The following AXIN2 variants were observed in gnomAD, a reference collection of about 807,000 sequenced individuals.
AXIN2 encodes axin-2.
A neutral mutation model predicts 74.7 loss-of-function variants in AXIN2; 21 were observed. The ratio of observed to expected loss-of-function variants is 0.28; its 90% CI spans 0.20 to 0.40. AXIN2 has a LOEUF of 0.40. Ranked by LOEUF, AXIN2 falls within the 10% of genes least tolerant of loss-of-function variation. The probability of loss-of-function intolerance (pLI) is 1.00; values close to 1 mark genes in which losing one functional copy is unlikely to be tolerated. For missense variants in AXIN2, 1,144 were observed against 1,111.1 expected (o/e 1.03, Z -0.42); for synonymous variants, 532 against 454.9 (o/e 1.17, Z -2.16).
Position 65,558,697 on chromosome 17 carries a change from GTCTC to G in AXIN2, c.-81_-78del. 2.1e-6 allele frequency: 3 copies of G among 1,450,180 alleles called. No individual in the cohort carries two copies. The highest frequency in any genetic ancestry group is 2.8e-6 in the Non-Finnish European group (3 of 1,066,390). The allele number at this position is 1,450,180 out of a possible 1,614,324, so 89.8% of individuals were successfully genotyped here. On this transcript the variant is annotated 5_prime_UTR_variant, in exon 2 of 11. Transcript: ENST00000307078. ...TCTCAGCAATCGGCGTGGTCTCTCT[GTCTC>G]TCTCAAGTCAGCAGGGGCTCATCTG... is the stretch of plus-strand genomic sequence containing the variant.
intron 2 of AXIN2, among the ~76,000 whole-genome samples, chr17:65,557,486 G>GA (rs1294687271): frequency 1.3e-5 from 2 of 152,130 alleles, no homozygotes; most frequent in Non-Finnish European, 2.9e-5. Flanking sequence ...TGGTGACTCA[G>GA]AGGCATCAAA....
chr17:65,549,758 C>G, intron 2 of AXIN2, 98 bp from the exon 3 acceptor site: 2 of 1,452,916 alleles, frequency 1.4e-6, no homozygotes, highest in East Asian at 4.9e-5. Flanking sequence ...ATCCCACAAT[C>G]TGCTCAACGC....
intron 8 of AXIN2, 24 bp downstream of exon 8, chr17:65,536,296 C>T: frequency 1.9e-6 from 3 of 1,587,404 alleles, no homozygotes; most frequent in Non-Finnish European, 2.6e-6. Context: ...CTGCCTCAAC[C>T]TAGGACCCTT....
rs768259872 is a variant in AXIN2 at position 65,537,764 on chromosome 17, G to A, written c.1272C>T (p.Ser424=). The A allele has an allele frequency of 1.3e-6, 2 of 1,584,914 alleles. No homozygotes were observed. Among genetic ancestry groups the A allele is most frequent in the Non-Finnish European group, 1.7e-6 (2 of 1,165,250 alleles). The change falls in exon 6 of 11, where the codon TCC becomes TCT. Residue 424 remains serine (S), a synonymous_variant. Transcript: ENST00000307078. ...CCTCGTAGCTGCCGGAGGGCAGTAG[G>A]GAGAGGGGGTGCTGCGTGGGCGCCC... ...REGAPTQHPL[S]LLPSGSYEED...
chr17:65,538,358 A>G lies in AXIN2; in HGVS notation c.1060-15T>C. Reference sequence around the variant, plus strand: ...CGGTGGGTTCTCTACAGGACGTGGAAAGGAAAGGGAGGAGGCACGTTCAGC... The same window carrying G: ...CGGTGGGTTCTCTACAGGACGTGGAGAGGAAAGGGAGGAGGCACGTTCAGC... On this transcript the variant is annotated splice_polypyrimidine_tract_variant and intron_variant, in intron 4 of 10. Transcript: ENST00000307078. The G allele has an allele frequency of 6.2e-7, 1 of 1,613,876 alleles. No homozygotes were observed. Among genetic ancestry groups the G allele is most frequent in the Non-Finnish European group, 8.5e-7 (1 of 1,179,842 alleles).
At chr17:65,553,685 G>T (rs900051339) in intron 2 of AXIN2, among the ~76,000 whole-genome samples, 2 of 152,176 alleles carry the variant, frequency 1.3e-5, no homozygotes, top group African/African-American at 4.8e-5. Context: ...AAAGTACTTG[G>T]ATTTTCCCAC....
At chr17:65,541,279 C>T (rs1394858237) in intron 4 of AXIN2, among the ~76,000 whole-genome samples, 176 bp downstream of exon 4, 2 of 152,190 alleles carry the variant, frequency 1.3e-5, no homozygotes, top group African/African-American at 2.4e-5. Flanking sequence ...CATCACAACC[C>T]AAAAAACCAT....
intron 3 of AXIN2, among the ~76,000 whole-genome samples, chr17:65,545,870 G>C (rs946389790): frequency 1.3e-5 from 2 of 152,114 alleles, no homozygotes; most frequent in African/African-American, 4.8e-5. Context: ...TGGCTCCCTG[G>C]AATAACCAAC....
At chr17:65,556,413 G>T (rs906576760) in intron 2 of AXIN2, among the ~76,000 whole-genome samples, 1 of 152,274 alleles carries the variant, frequency 6.6e-6, no homozygotes, top group South Asian at 2.1e-4. Flanking sequence ...CTACTGCAGA[G>T]GCCAGACCCA....
chr17:65,557,139 G>T (rs368116511), intron 2 of AXIN2, among the ~76,000 whole-genome samples: 3 of 152,172 alleles, frequency 2.0e-5, no homozygotes, highest in African/African-American at 7.2e-5. Context: ...TCTGACCCTC[G>T]GACTCATGAG....
rs556855891 is a variant in AXIN2, at chr17:65,549,697, C to A, written c.816-37G>T. 1.1e-5 allele frequency: 18 copies of A among 1,572,544 alleles called. No individual in the cohort carries two copies. The African/African-American group carries it at 2.2e-4, about 19-fold the overall frequency. ...GTACAAAAGTGGTTCAGTCACTGAC[C>A]CTCACCAGAAACCCAGGTAATCAGG... is the stretch of plus-strand genomic sequence containing the variant. On this transcript the variant is annotated intron_variant, in intron 2 of 10. Coordinates refer to ENST00000307078, the MANE Select transcript of AXIN2 (RefSeq NM_004655.4).
chr17:65,534,064 C>T lies in AXIN2; in HGVS notation c.2253G>A (p.Lys751=), dbSNP rs776281840. The T allele has an allele frequency of 6.2e-7, 1 of 1,614,238 alleles. No individual in the cohort carries two copies. Among genetic ancestry groups the T allele is most frequent in the Non-Finnish European group, 8.5e-7 (1 of 1,180,042 alleles). ...GGAGCGCGTGGACACCTGCCAGTTT[C>T]TTTGGCTCTTTGTGACTGAAAATAA... ...SLAPEDHKEP[K]KLAGVHALQA... The change falls in exon 10 of 11, where the codon AAG becomes AAA. Residue 751 remains lysine, a synonymous_variant. Transcript: ENST00000307078.
At chr17:65,553,853 G>GC (rs1223682376) in intron 2 of AXIN2, among the ~76,000 whole-genome samples, 4 of 149,550 alleles carry the variant, frequency 2.7e-5, no homozygotes, top group African/African-American at 7.3e-5. Context: ...AAGGCGGGGG[G>GC]GGGGGGAGGA....
At chr17:65,547,586 C>T (rs886776850) in intron 3 of AXIN2, among the ~76,000 whole-genome samples, 6 of 152,212 alleles carry the variant, frequency 3.9e-5, no homozygotes, top group Non-Finnish European at 8.8e-5. Flanking sequence ...TGGGGACTGA[C>T]ATGCAGCCAA....
In AXIN2 at chr17:65,537,418, G is replaced by T. The variant is rs573731155; in HGVS notation, c.1618C>A (p.His540Asn). 8 of 1,614,068 alleles carry T rather than the reference G, an allele frequency of 5.0e-6. No individual in the cohort carries two copies. In the African/African-American group the frequency reaches 1.1e-4, roughly 22 times the overall value. ...EIEAEATQRV[H>N]CFCPGGSEYY... ...TCGCTGCCCCCAGGGCAGAAGCAGTGCACCCGCTGCGTGGCCTCCGCCTCG... is the reference window on the plus strand; with the variant it reads ...TCGCTGCCCCCAGGGCAGAAGCAGTTCACCCGCTGCGTGGCCTCCGCCTCG... The change falls in exon 6 of 11, where the codon CAC becomes AAC. Residue 540 changes from histidine (H) to asparagine (N), a missense_variant. By Grantham distance (68) the His-to-Asn change is moderately conservative. Transcript: ENST00000307078.
At chr17:65,561,339 G>C (rs1200558664) in intron 1 of AXIN2, 111 bp downstream of exon 1, 7 of 104,668 alleles carry the variant, frequency 6.7e-5, no homozygotes, top group Non-Finnish European at 7.7e-5. Flanking sequence ...CCGCCTGGCC[G>C]GGCCCCCTCC....
intron 1 of AXIN2, chr17:65,560,359 G>A (rs1325162330): frequency 1.3e-5 from 2 of 151,782 alleles, no homozygotes; most frequent in African/African-American, 4.8e-5. Context: ...GCGGACCCGC[G>A]GCAGGGAGGG....
chr17:65,549,694 G>T, intron 2 of AXIN2, 34 bp from the exon 3 acceptor site: 1 of 1,574,562 alleles, frequency 6.4e-7, no homozygotes, highest in South Asian at 1.2e-5. Flanking sequence ...TTCAGTCACT[G>T]ACCCTCACCA....
intron 3 of AXIN2, among the ~76,000 whole-genome samples, chr17:65,542,631 C>T (rs1425822289): frequency 6.6e-6 from 1 of 152,178 alleles, no homozygotes; most frequent in East Asian, 1.9e-4. Context: ...AAAGCTGCCA[C>T]TCCAGCTAGT....
Sources: gnomAD v4.1 joint callset for allele counts (sites outside exome capture counted in the v4.1 genomes callset) on GRCh38, gnomAD v4.1.1 for gene constraint, MANE v1.5 for transcripts, NCBI Gene and HGNC (gene_info 2026-07-23, HGNC 2026-07-21) for gene names.